Variants in GOLM2 observed in about 807,000 individuals in gnomAD.
The protein encoded by GOLM2 is protein GOLM2.
Under a neutral mutation model 55.9 loss-of-function variants are expected in GOLM2, and 26 were observed. The ratio of observed to expected loss-of-function variants is 0.47; its 90% confidence interval spans 0.34 to 0.65. The LOEUF (loss-of-function observed/expected upper bound fraction) is 0.65. GOLM2 is among the 30% of genes least tolerant of loss of function. GOLM2 has a pLI of 0.01. For synonymous variants in GOLM2, 165 were observed against 194.6 expected, an observed-to-expected ratio of 0.85 and a Z score of 1.27; for missense variants, 486 against 531.8, an observed-to-expected ratio of 0.91 and a Z score of 0.85.
At chr15:44,412,463 G>A (rs1298937758) in intron 9 of GOLM2, among the ~76,000 whole-genome samples, 1 of 152,072 alleles carries the variant, frequency 6.6e-6, no homozygotes, top group Non-Finnish European at 1.5e-5. Flanking sequence ...AACTTTGGTT[G>A]TTATACCCCA....
chr15:44,377,515 C>T (rs1021077791), intron 6 of GOLM2, among the ~76,000 whole-genome samples: 2 of 152,094 alleles, frequency 1.3e-5, no homozygotes, highest in African/African-American at 2.4e-5. Flanking sequence ...GGGTTACAGG[C>T]GTGTGCCACC....
At chr15:44,350,959 G>A (rs895228314) in intron 6 of GOLM2, among the ~76,000 whole-genome samples, 3 of 152,158 alleles carry the variant, frequency 2.0e-5, no homozygotes, top group Non-Finnish European at 4.4e-5. Flanking sequence ...AAAACTGGAT[G>A]TAGAAAGAAG....
chr15:44,340,385 C>T (rs988857445), intron 6 of GOLM2, among the ~76,000 whole-genome samples: 2 of 152,056 alleles, frequency 1.3e-5, no homozygotes, highest in African/African-American at 4.8e-5. Context: ...CCTCCCACCT[C>T]AGCCTTCTAG....
intron 6 of GOLM2, among the ~76,000 whole-genome samples, chr15:44,356,668 C>A (rs1366626536): frequency 6.6e-6 from 1 of 152,182 alleles, no homozygotes; most frequent in Non-Finnish European, 1.5e-5. Context: ...TATCTACAGT[C>A]TCTTTCAGAA....
At chr15:44,402,726 T>C (rs997444320) in intron 8 of GOLM2, 161 bp from the exon 9 acceptor site, 3 of 558,804 alleles carry the variant, frequency 5.4e-6, no homozygotes, top group Admixed American at 3.1e-5. Context: ...TTCCCTCTTA[T>C]ATACTTTTGT....
intron 6 of GOLM2, among the ~76,000 whole-genome samples, chr15:44,377,309 T>C (rs1399281692): frequency 4.6e-5 from 7 of 152,122 alleles, no homozygotes; most frequent in Non-Finnish European, 7.4e-5. Flanking sequence ...GAAGTTGAAG[T>C]TGCAGTGAGT....
At chr15:44,389,779 C>T (rs981961849) in intron 8 of GOLM2, among the ~76,000 whole-genome samples, 1 of 152,108 alleles carries the variant, frequency 6.6e-6, no homozygotes, top group African/African-American at 2.4e-5. Context: ...CCTCCTTGGG[C>T]TCAAGGGATC....
chr15:44,330,276 G>A (rs1006410715), intron 3 of GOLM2, among the ~76,000 whole-genome samples: 7 of 148,888 alleles, frequency 4.7e-5, no homozygotes, highest in Non-Finnish European at 8.9e-5. Flanking sequence ...ACTTTGGGAG[G>A]CTGAGGCGGG....
intron 1 of GOLM2, among the ~76,000 whole-genome samples, chr15:44,317,213 A>G (rs914866792): frequency 4.6e-5 from 7 of 150,752 alleles, no homozygotes; most frequent in Admixed American, 4.0e-4. Context: ...CCATCTCTAC[A>G]AAAGACAAAA....
At chr15:44,388,062 G>A (rs1464313214) in intron 8 of GOLM2, among the ~76,000 whole-genome samples, 2 of 150,940 alleles carry the variant, frequency 1.3e-5, no homozygotes, top group African/African-American at 2.4e-5. Flanking sequence ...TCTGCCTCCT[G>A]GGTTCAAGTG....
chr15:44,401,266 A>AT (rs879743198), intron 8 of GOLM2, among the ~76,000 whole-genome samples: 89 of 145,062 alleles, frequency 6.1e-4, no homozygotes, highest in Admixed American at 1.1e-3. Context: ...CCCCTGGCTA[A>AT]TTTTTTTTTT....
At chr15:44,372,002 A>G (rs1184936277) in intron 6 of GOLM2, among the ~76,000 whole-genome samples, 1 of 152,152 alleles carries the variant, frequency 6.6e-6, no homozygotes, top group Non-Finnish European at 1.5e-5. Context: ...TGCAGGGTAA[A>G]TGGCATCATC....
chr15:44,335,260 C>G (rs528991108), intron 4 of GOLM2, among the ~76,000 whole-genome samples: 18 of 152,150 alleles, frequency 1.2e-4, no homozygotes, highest in African/African-American at 3.4e-4. Flanking sequence ...GGGGTGATTA[C>G]TTTTCTGTAA....
chr15:44,344,152 C>A (rs1314387511), intron 6 of GOLM2, among the ~76,000 whole-genome samples: 1 of 150,436 alleles, frequency 6.6e-6, no homozygotes, highest in Non-Finnish European at 1.5e-5. Context: ...CTCAGCTACT[C>A]AGGAGGCTAA....
intron 1 of GOLM2, among the ~76,000 whole-genome samples, chr15:44,316,111 A>G (rs1464801520): frequency 6.6e-6 from 1 of 152,226 alleles, no homozygotes; most frequent in African/African-American, 2.4e-5. Flanking sequence ...TGTGTGGCAA[A>G]ATGAAGATAA....
intron 9 of GOLM2, among the ~76,000 whole-genome samples, chr15:44,403,482 G>A (rs981361203): frequency 3.3e-5 from 5 of 152,106 alleles, no homozygotes; most frequent in African/African-American, 1.2e-4. Flanking sequence ...TTAATACAAA[G>A]AGGTTCTGTG....
intron 9 of GOLM2, among the ~76,000 whole-genome samples, chr15:44,409,068 G>C (rs948411166): frequency 1.3e-5 from 2 of 152,000 alleles, no homozygotes; most frequent in Admixed American, 1.3e-4. Context: ...ACGAGGTCAG[G>C]AGATCGAGAC....
At chr15:44,376,235 A>T (rs2079364210) in intron 6 of GOLM2, among the ~76,000 whole-genome samples, 1 of 152,170 alleles carries the variant, frequency 6.6e-6, no homozygotes, top group Non-Finnish European at 1.5e-5. Flanking sequence ...ACTCCGTCTC[A>T]AAAAACAAAA....
At chr15:44,350,660 A>G (rs1384748366) in intron 6 of GOLM2, among the ~76,000 whole-genome samples, 1 of 152,220 alleles carries the variant, frequency 6.6e-6, no homozygotes. Flanking sequence ...CCAGTTAAAG[A>G]CACATCAAGG....
Sources: allele counts gnomAD v4.1 joint callset (sites outside exome capture counted in the v4.1 genomes callset), GRCh38; gene constraint gnomAD v4.1.1; transcripts MANE v1.5; gene names NCBI Gene and HGNC (gene_info 2026-07-23, HGNC 2026-07-21).